DENND2C: variants seen among roughly 807,000 people sequenced by gnomAD.
DENND2C encodes the protein DENN domain-containing protein 2C.
In DENND2C, 72 loss-of-function variants were observed where a neutral mutation model predicts 112.4. The observed-to-expected ratio is 0.64, with a 90% CI of 0.53 to 0.78. DENND2C has a LOEUF of 0.78. DENND2C is among the 30% of genes least tolerant of loss of function. DENND2C has a pLI of 0.00. For missense variants in DENND2C, 992 were observed against 1,113.8 expected, an observed-to-expected ratio of 0.89 and a Z score of 1.56; for synonymous variants, 329 against 381.6, an observed-to-expected ratio of 0.86 and a Z score of 1.61.
At chr1:114,655,430 A>T (rs757465457) in intron 1 of DENND2C, among the ~76,000 whole-genome samples, 2 of 152,178 alleles carry the variant, frequency 1.3e-5, no homozygotes, top group Non-Finnish European at 2.9e-5. Flanking sequence ...ATCAGCAACA[A>T]ATTATTTATG....
chr1:114,623,180 G>C (rs1347455380), intron 5 of DENND2C, 81 bp from the exon 6 acceptor site: 3 of 1,317,462 alleles, frequency 2.3e-6, no homozygotes, highest in Non-Finnish European at 3.1e-6. Flanking sequence ...GAAAGAAAAA[G>C]CTAACTATGT....
chr1:114,614,874 C>T (rs537844211), intron 8 of DENND2C, among the ~76,000 whole-genome samples: 8 of 152,036 alleles, frequency 5.3e-5, no homozygotes, highest in South Asian at 4.2e-4. Context: ...ATTAGCTGGG[C>T]GTGGTGACAC....
At chr1:114,655,883 AAT>A (rs10525704) in intron 1 of DENND2C, among the ~76,000 whole-genome samples, 18 of 125,872 alleles carry the variant, frequency 1.4e-4, no homozygotes, top group East Asian at 1.3e-3. Flanking sequence ...TATATGTATA[AAT>A]ATATATATAT....
intron 20 of DENND2C, chr1:114,587,030 TG>T (rs894953349): frequency 5.1e-6 from 1 of 197,876 alleles, no homozygotes; most frequent in African/African-American, 2.3e-5. Flanking sequence ...CCCAAGTAGC[TG>T]GGATTACAGG....
In DENND2C at chr1:114,648,308, A is replaced by G. The variant is rs983305343; in HGVS notation, c.-316-2749T>C. 8.5e-5 allele frequency among the ~76,000 whole-genome samples: 13 copies of G among 152,356 alleles called. No homozygotes were observed. In the East Asian group the frequency reaches 2.5e-3, roughly 29 times the overall value. ...TACTTGTTAGTTGGTAGACATAACA[A>G]TAATATAAACTAATGCAACAGGATG... On this transcript the variant is annotated intron_variant, in intron 2 of 20. Transcript: ENST00000393274.
chr1:114,659,786 TCC>T (rs1657441599), intron 1 of DENND2C, among the ~76,000 whole-genome samples: 1 of 13,006 alleles, frequency 7.7e-5, no homozygotes, highest in Non-Finnish European at 2.0e-4. Flanking sequence ...CTTCCTTCCC[TCC>T]CTCCCTCCCT....
At chr1:114,629,197 G>C (rs1037853124) in intron 3 of DENND2C, among the ~76,000 whole-genome samples, 1 of 152,156 alleles carries the variant, frequency 6.6e-6, no homozygotes, top group African/African-American at 2.4e-5. Flanking sequence ...AACCACAATG[G>C]ACAATCTCAA....
intron 8 of DENND2C, among the ~76,000 whole-genome samples, chr1:114,616,711 C>T (rs768882655): frequency 2.6e-5 from 4 of 151,852 alleles, no homozygotes; most frequent in Admixed American, 6.6e-5. Flanking sequence ...AAAAATTAGC[C>T]GGGTGTGGTG....
intron 1 of DENND2C, among the ~76,000 whole-genome samples, chr1:114,656,095 T>A (rs1657313821): frequency 6.6e-6 from 1 of 151,132 alleles, no homozygotes; most frequent in Non-Finnish European, 1.5e-5. Flanking sequence ...GAGATGGGGG[T>A]CTTGCTCTGT....
At chr1:114,639,000 A>C (rs923830184) in intron 3 of DENND2C, among the ~76,000 whole-genome samples, 12 of 152,152 alleles carry the variant, frequency 7.9e-5, no homozygotes, top group Admixed American at 2.0e-4. Flanking sequence ...AAGTCAAACA[A>C]CACAACTAAA....
intron 18 of DENND2C, among the ~76,000 whole-genome samples, chr1:114,592,647 G>C (rs1557938167): frequency 6.6e-6 from 1 of 152,166 alleles, no homozygotes; most frequent in African/African-American, 2.4e-5. Context: ...TTGTGCTCAG[G>C]AGGTCAAAGC....
intron 8 of DENND2C, among the ~76,000 whole-genome samples, chr1:114,613,745 T>C (rs1004961378): frequency 6.6e-6 from 1 of 152,178 alleles, no homozygotes; most frequent in African/African-American, 2.4e-5. Flanking sequence ...TGGGTTTTGA[T>C]GATGTGTATT....
intron 1 of DENND2C, among the ~76,000 whole-genome samples, chr1:114,669,087 G>T (rs930241403): frequency 1.3e-5 from 2 of 152,222 alleles, no homozygotes; most frequent in Non-Finnish European, 1.5e-5. Context: ...TATTTACACA[G>T]TAAGCAAGGA....
chr1:114,630,766 C>T (rs1355557799), intron 3 of DENND2C, among the ~76,000 whole-genome samples: 4 of 152,198 alleles, frequency 2.6e-5, no homozygotes, highest in African/African-American at 9.6e-5. Flanking sequence ...GATAATACTA[C>T]ATGAGGCTAG....
chr1:114,615,499 ATACGT>A (rs1256912977), intron 8 of DENND2C, among the ~76,000 whole-genome samples: 1 of 152,228 alleles, frequency 6.6e-6, no homozygotes, highest in African/African-American at 2.4e-5. Context: ...TAGTGTTGTC[ATACGT>A]TATACATGAG....
At chr1:114,644,811 C>G (rs1375100706) in intron 3 of DENND2C, among the ~76,000 whole-genome samples, 1 of 152,048 alleles carries the variant, frequency 6.6e-6, no homozygotes, top group Admixed American at 6.6e-5. Context: ...AACATACTAC[C>G]TTCAGGATAG....
In DENND2C at chr1:114,602,113, T is replaced by C. The variant is rs1343933285; in HGVS notation, c.1737+12A>G. The C allele has an allele frequency of 6.2e-7, 1 of 1,613,660 alleles. No homozygotes were observed. Among genetic ancestry groups the C allele is most frequent in the African/African-American group, 1.3e-5 (1 of 75,046 alleles). On this transcript the variant is annotated intron_variant, in intron 12 of 20. Coordinates refer to ENST00000393274, the MANE Select transcript of DENND2C (RefSeq NM_001256404.2). ...TGACCAACCCTGTCTGTAACACAAA[T>C]CTGATACTTACCAAGAGCTTCTTAC...
intron 1 of DENND2C, among the ~76,000 whole-genome samples, chr1:114,667,957 C>A (rs6537843): frequency 0.87 from 133,144 of 152,224 alleles, 58,732 homozygotes; most frequent in African/African-American, 0.96. Flanking sequence ...CTGGCACAGA[C>A]TAGGTACCAA....
Position 114,587,826 on chromosome 1 carries a change from C to G in DENND2C, c.2558G>C (p.Arg853Pro). ...TACACTTCGGGAGGTGTGGGACTTA[C>G]GGAATGGTTCCCTTTGGAAAACACG... Reference protein sequence around the residue: ...GERVFQREPFRKSHTSRSVRH... With the variant: ...GERVFQREPFPKSHTSRSVRH... The change falls in exon 19 of 21, where the codon CGT (arginine) becomes CCT (proline). Residue 853 changes from arginine to proline, a missense_variant. Around this residue, in one of 3 missense-constraint regions of DENND2C, gnomAD observed 516 missense variants for 623.6 expected, o/e 0.83. Coordinates refer to ENST00000393274, the MANE Select transcript of DENND2C (RefSeq NM_001256404.2). 1.2e-6 allele frequency: 2 copies of G among 1,614,094 alleles called. No homozygotes were observed. The highest frequency in any genetic ancestry group is 1.7e-6 in the Non-Finnish European group (2 of 1,180,018).
Sources: allele counts gnomAD v4.1 joint callset (sites outside exome capture counted in the v4.1 genomes callset), GRCh38; gene constraint gnomAD v4.1.1; regional missense constraint gnomAD v4.1.1; transcripts MANE v1.5; gene names NCBI Gene and HGNC (gene_info 2026-07-23, HGNC 2026-07-21).